MTUS1: variants seen among roughly 807,000 people sequenced by gnomAD.
The protein encoded by MTUS1 is microtubule-associated tumor suppressor 1.
In MTUS1, 109 loss-of-function variants were observed where a neutral mutation model predicts 120.8. That is an observed-to-expected ratio of 0.90 (90% CI 0.77 to 1.06). The LOEUF is 1.06. Among genes scored for constraint, MTUS1 ranks in the 50% least tolerant of loss-of-function variants. MTUS1 has a pLI of 0.00. For missense variants in MTUS1, 2,210 were observed against 1,486.3 expected (o/e 1.49, Z -8.01); for synonymous variants, 737 against 550.5 (o/e 1.34, Z -4.74).
chr8:17,799,512 T>C (rs996505979), intron 1 of MTUS1, among the ~76,000 whole-genome samples: 1 of 152,326 alleles, frequency 6.6e-6, no homozygotes, highest in East Asian at 1.9e-4. Flanking sequence ...CCTATTTTTA[T>C]ACAGCAAGCA....
At chr8:17,791,752 T>C (rs1163227029) in intron 1 of MTUS1, among the ~76,000 whole-genome samples, 1 of 152,176 alleles carries the variant, frequency 6.6e-6, no homozygotes. Flanking sequence ...GCCTAGAATT[T>C]AACTCCCAAC....
intron 8 of MTUS1, among the ~76,000 whole-genome samples, chr8:17,672,746 A>G (rs998240213): frequency 6.6e-6 from 1 of 152,146 alleles, no homozygotes; most frequent in Non-Finnish European, 1.5e-5. Context: ...TGGATAGGCC[A>G]CCCACTGTAC....
chr8:17,676,124 A>G (rs2301542), intron 7 of MTUS1: 410,255 of 616,126 alleles, frequency 0.67, 139,213 homozygotes, highest in East Asian at 0.79. Context: ...AGCTCCCACC[A>G]CATCCTGATC....
chr8:17,759,736 C>T lies in MTUS1; in HGVS notation c.-154-3775G>A, dbSNP rs191402287. ...TCAGCATTGTCTCTGAAGCATTTTC[C>T]CATGTCATTATACTATAAAAACATT... On this transcript the variant is annotated intron_variant, in intron 1 of 14. Transcript: ENST00000693296. 1.8e-3 allele frequency among the ~76,000 whole-genome samples: 271 copies of T among 150,516 alleles called. 1 individual carries two copies. The highest frequency in any genetic ancestry group is 6.4e-3 in the African/African-American group (262 of 41,216).
chr8:17,679,506 TATTTA>T (rs1563188388), intron 7 of MTUS1, among the ~76,000 whole-genome samples: 3,666 of 103,810 alleles, frequency 0.035, 173 homozygotes, highest in African/African-American at 0.093. Flanking sequence ...TTTATTTATT[TATTTA>T]TTTATTTTTT....
intron 6 of MTUS1, among the ~76,000 whole-genome samples, chr8:17,699,970 G>C (rs574333258): frequency 1.3e-5 from 2 of 152,220 alleles, no homozygotes; most frequent in South Asian, 2.1e-4. Flanking sequence ...TTGATTATTT[G>C]ATCATCTGTT....
In MTUS1 at chr8:17,647,247, C is replaced by G. The variant is rs542752107; in HGVS notation, c.3502-168G>C. On this transcript the variant is annotated intron_variant, in intron 13 of 14. Coordinates refer to ENST00000693296, the MANE Select transcript of MTUS1 (RefSeq NM_001363059.2). ...AAACATACTGAAAAAGATTTTAAAA[C>G]AGCAAAACAGAGCGGCTGGGTATTT... The G allele has an allele frequency of 2.1e-5, 12 of 566,186 alleles. No homozygotes were observed. The South Asian group carries it at 2.7e-4, about 13-fold the overall frequency. The allele number at this position is 566,186 out of a possible 1,614,324, so 35.1% of individuals were successfully genotyped here.
At chr8:17,782,091 C>A (rs1051382647) in intron 1 of MTUS1, among the ~76,000 whole-genome samples, 1 of 152,184 alleles carries the variant, frequency 6.6e-6, no homozygotes, top group African/African-American at 2.4e-5. Context: ...CAAATCAAAG[C>A]TGACACAGAT....
chr8:17,723,770 T>TTAGGAAGTGGTC lies in MTUS1; in HGVS notation c.2339_2350dup (p.Arg780_Pro783dup). 1.2e-5 allele frequency: 19 copies of TTAGGAAGTGGTC among 1,610,076 alleles called. 2 individuals are homozygous for TTAGGAAGTGGTC. Among genetic ancestry groups the TTAGGAAGTGGTC allele is most frequent in the Non-Finnish European group, 1.6e-5 (19 of 1,177,294 alleles). The stretch of plus-strand genomic sequence containing the variant: ...AGGACTTTTCAAAGATGCTTTGGAT[T>TTAGGAAGTGGTC]TAGGAAGTGGTCTAGGCAAATTCAC... On this transcript the variant is annotated inframe_insertion, in exon 4 of 15. Transcript: ENST00000693296.
At chr8:17,649,721 T>C (rs1806571413) in intron 13 of MTUS1, 125 bp downstream of exon 13, 2 of 655,210 alleles carry the variant, frequency 3.1e-6, no homozygotes, top group South Asian at 3.9e-5. Flanking sequence ...GAACTTTATC[T>C]TTTGTATAAT....
intron 1 of MTUS1, among the ~76,000 whole-genome samples, chr8:17,757,334 T>C (rs2048700840): frequency 6.6e-6 from 1 of 152,206 alleles, no homozygotes; most frequent in Admixed American, 6.5e-5. Context: ...ACTATTTACA[T>C]GAAATGTCCA....
At chr8:17,691,713 T>A (rs1418546069) in intron 6 of MTUS1, among the ~76,000 whole-genome samples, 2 of 152,252 alleles carry the variant, frequency 1.3e-5, no homozygotes, top group Non-Finnish European at 2.9e-5. Flanking sequence ...TGTTTTTTTT[T>A]AATGGAAGCT....
At chr8:17,692,418 C>G (rs1221570096) in intron 6 of MTUS1, among the ~76,000 whole-genome samples, 2 of 152,042 alleles carry the variant, frequency 1.3e-5, no homozygotes, top group African/African-American at 4.8e-5. Context: ...GATGAGGATT[C>G]CTGACACGGC....
At chr8:17,773,674 T>C (rs935440854) in intron 1 of MTUS1, among the ~76,000 whole-genome samples, 5 of 152,168 alleles carry the variant, frequency 3.3e-5, no homozygotes, top group Non-Finnish European at 1.5e-5. Flanking sequence ...AGTCCCATCA[T>C]GGGGTCCACA....
chr8:17,748,725 C>T (rs1288874611), intron 2 of MTUS1, among the ~76,000 whole-genome samples: 1 of 149,318 alleles, frequency 6.7e-6, no homozygotes, highest in Non-Finnish European at 1.5e-5. Flanking sequence ...AGAGGTTGAG[C>T]ATGGCGGGCT....
chr8:17,648,653 T>A (rs1806329046), intron 13 of MTUS1, among the ~76,000 whole-genome samples: 2 of 152,244 alleles, frequency 1.3e-5, no homozygotes, highest in Non-Finnish European at 2.9e-5. Context: ...ACACAGGGGC[T>A]TGGCCGTTAT....
In MTUS1 at chr8:17,754,464, C is replaced by T. The variant is rs369320389; in HGVS notation, c.1344G>A (p.Thr448=). ...CCTTCTCCACTTTCTTACATTTCTC[C>T]GTCGCTTCAATCGGTGAAACAGAAA... ...VTFSVSPIEA[T]EKCKKVEKGN... is the part of the protein sequence containing the mutation. The change falls in exon 2 of 15, where the codon ACG becomes ACA. Residue 448 remains threonine, a synonymous_variant. Transcript: ENST00000693296. 76 of 1,614,146 alleles carry T rather than the reference C, an allele frequency of 4.7e-5. No individual in the cohort carries two copies. The highest frequency in any genetic ancestry group is 5.8e-5 in the Non-Finnish European group (68 of 1,180,034).
At chr8:17,738,785 A>G (rs1191713657) in intron 3 of MTUS1, among the ~76,000 whole-genome samples, 1 of 152,190 alleles carries the variant, frequency 6.6e-6, no homozygotes, top group African/African-American at 2.4e-5. Flanking sequence ...AGGCCTGAAA[A>G]GAAAAGTGCC....
At chr8:17,712,155 G>A (rs914685462) in intron 6 of MTUS1, among the ~76,000 whole-genome samples, 1 of 152,188 alleles carries the variant, frequency 6.6e-6, no homozygotes, top group African/African-American at 2.4e-5. Flanking sequence ...TGGTAGAGTT[G>A]CAAAAAGCAC....
Sources: gnomAD v4.1 joint callset for allele counts (sites outside exome capture counted in the v4.1 genomes callset) on GRCh38, gnomAD v4.1.1 for gene constraint, MANE v1.5 for transcripts, NCBI Gene and HGNC (gene_info 2026-07-23, HGNC 2026-07-21) for gene names.